Variants in CAMSAP2 observed in about 807,000 individuals in gnomAD.
The protein encoded by CAMSAP2 is calmodulin-regulated spectrin-associated protein 2.
In CAMSAP2, 26 loss-of-function variants were observed where a neutral mutation model predicts 146.1. That is an observed-to-expected ratio of 0.18 (90% CI 0.13 to 0.25). The LOEUF is 0.25. Ranked by LOEUF, CAMSAP2 falls within the 10% of genes least tolerant of loss-of-function variation. CAMSAP2 has a pLI of 1.00. For missense variants in CAMSAP2, 1,381 were observed against 1,759.3 expected, an observed-to-expected ratio of 0.78 and a Z score of 3.85; for synonymous variants, 499 against 596.6, an observed-to-expected ratio of 0.84 and a Z score of 2.38.
chr1:200,821,561 A>T (rs1212217312), intron 4 of CAMSAP2, among the ~76,000 whole-genome samples: 2 of 152,070 alleles, frequency 1.3e-5, no homozygotes, highest in Non-Finnish European at 2.9e-5. Context: ...GGGTTTCGCC[A>T]TGTTGGCCAG....
chr1:200,819,844 T>G (rs1361385307), intron 4 of CAMSAP2, among the ~76,000 whole-genome samples: 1 of 152,108 alleles, frequency 6.6e-6, no homozygotes, highest in African/African-American at 2.4e-5. Context: ...AGGAGTACCT[T>G]CTAGAGGATG....
intron 1 of CAMSAP2, among the ~76,000 whole-genome samples, chr1:200,748,085 A>G (rs1182750883): frequency 6.6e-6 from 1 of 151,872 alleles, no homozygotes; most frequent in Non-Finnish European, 1.5e-5. Context: ...TGAAAGTTCT[A>G]CACTCTTCTC....
intron 1 of CAMSAP2, among the ~76,000 whole-genome samples, chr1:200,747,665 C>G (rs1028585636): frequency 2.7e-5 from 4 of 150,246 alleles, no homozygotes; most frequent in African/African-American, 9.7e-5. Context: ...TTTAGCTGTG[C>G]CCTTGTTGAT....
intron 1 of CAMSAP2, among the ~76,000 whole-genome samples, chr1:200,744,658 G>A (rs187207180): frequency 5.3e-4 from 81 of 152,308 alleles, no homozygotes; most frequent in Non-Finnish European, 8.2e-4. Flanking sequence ...GTTAGGATGC[G>A]GTGGGGTGGC....
Position 200,832,620 on chromosome 1 carries a change from G to A in CAMSAP2, c.788-86G>A. 10 of 1,130,750 alleles carry A rather than the reference G, an allele frequency of 8.8e-6. No individual in the cohort carries two copies. The highest frequency in any genetic ancestry group is 1.1e-5 in the Non-Finnish European group (9 of 810,166). 70.0% of individuals were successfully genotyped at this position (1,130,750 alleles called of 1,614,324 possible). A position where few individuals can be genotyped will look rare whatever the true frequency, so the allele number is the denominator to read the frequency against. ...ATGTATGTTTGTTAACCAGAATTGTGTATTTGTACTAATTACAAGATGGAT... is the reference window on the plus strand; with the variant it reads ...ATGTATGTTTGTTAACCAGAATTGTATATTTGTACTAATTACAAGATGGAT... On this transcript the variant is annotated intron_variant, in intron 5 of 16. Transcript: ENST00000358823. This position sits in a 1 kb window ranked among gnomAD's most constrained non-coding sequence, Gnocchi z 4.2.
intron 2 of CAMSAP2, among the ~76,000 whole-genome samples, chr1:200,791,504 A>C (rs1413801057): frequency 6.6e-6 from 1 of 152,106 alleles, no homozygotes; most frequent in East Asian, 1.9e-4. Flanking sequence ...CTATTGTCCC[A>C]CACACAGGTC....
intron 2 of CAMSAP2, among the ~76,000 whole-genome samples, chr1:200,798,267 A>G (rs1665940539): frequency 7.1e-6 from 1 of 140,460 alleles, no homozygotes; most frequent in Non-Finnish European, 1.5e-5. Context: ...CAGTATGGCC[A>G]TTTTCACGAT....
intron 1 of CAMSAP2, among the ~76,000 whole-genome samples, chr1:200,742,384 A>G (rs1255990747): frequency 6.6e-6 from 1 of 152,248 alleles, no homozygotes; most frequent in African/African-American, 2.4e-5. Flanking sequence ...TTCAAATGGG[A>G]TGAAAAACAA....
At chr1:200,802,093 G>T (rs1666050009) in intron 2 of CAMSAP2, among the ~76,000 whole-genome samples, 1 of 152,200 alleles carries the variant, frequency 6.6e-6, no homozygotes, top group Non-Finnish European at 1.5e-5. Context: ...AACCAAGATA[G>T]TTCTATATAA....
intron 2 of CAMSAP2, among the ~76,000 whole-genome samples, chr1:200,762,337 T>C (rs1199594309): frequency 6.6e-6 from 1 of 152,216 alleles, no homozygotes; most frequent in Non-Finnish European, 1.5e-5. Flanking sequence ...TTATCCAGTA[T>C]GAGATTGTCA....
At chr1:200,741,698 G>A (rs990234502) in intron 1 of CAMSAP2, among the ~76,000 whole-genome samples, 2 of 152,200 alleles carry the variant, frequency 1.3e-5, no homozygotes, top group African/African-American at 4.8e-5. Flanking sequence ...TTCTGGGTAT[G>A]TGTCAGGCAG....
At chr1:200,750,310 T>G (rs1664462840) in intron 1 of CAMSAP2, among the ~76,000 whole-genome samples, 1 of 152,148 alleles carries the variant, frequency 6.6e-6, no homozygotes, top group Non-Finnish European at 1.5e-5. Flanking sequence ...TAACGATGAC[T>G]CCTAGGTTTC....
intron 1 of CAMSAP2, among the ~76,000 whole-genome samples, chr1:200,755,085 A>T (rs1664612463): frequency 6.6e-6 from 1 of 152,190 alleles, no homozygotes; most frequent in African/African-American, 2.4e-5. Flanking sequence ...TTTCTGGCAC[A>T]TACCACAACA....
intron 2 of CAMSAP2, among the ~76,000 whole-genome samples, chr1:200,796,945 G>A (rs1312385128): frequency 6.6e-6 from 1 of 151,918 alleles, no homozygotes; most frequent in African/African-American, 2.4e-5. Flanking sequence ...TCTTGTGATA[G>A]TTTACTGAGA....
intron 6 of CAMSAP2, among the ~76,000 whole-genome samples, chr1:200,841,259 T>C (rs1667315739): frequency 6.6e-6 from 1 of 152,240 alleles, no homozygotes; most frequent in Non-Finnish European, 1.5e-5. Flanking sequence ...ATAACTTTTT[T>C]TGTTTAAGAC....
At chr1:200,786,551 T>A (rs1332294621) in intron 2 of CAMSAP2, among the ~76,000 whole-genome samples, 1 of 151,456 alleles carries the variant, frequency 6.6e-6, no homozygotes, top group African/African-American at 2.4e-5. Context: ...GCCCAGCTAA[T>A]GTTTGTATTT....
At chr1:200,821,781 TAGTTA>T (rs1666773333) in intron 4 of CAMSAP2, among the ~76,000 whole-genome samples, 1 of 152,208 alleles carries the variant, frequency 6.6e-6, no homozygotes, top group African/African-American at 2.4e-5. Context: ...TCATTTATTA[TAGTTA>T]AGAGAACTTG....
intron 1 of CAMSAP2, among the ~76,000 whole-genome samples, chr1:200,752,545 A>G (rs1664535531): frequency 6.6e-6 from 1 of 151,896 alleles, no homozygotes; most frequent in Non-Finnish European, 1.5e-5. Flanking sequence ...AGATTTGCCA[A>G]TTATGTTGAT....
chr1:200,823,677 C>A (rs1407657973), intron 4 of CAMSAP2, among the ~76,000 whole-genome samples: 1 of 152,102 alleles, frequency 6.6e-6, no homozygotes, highest in Admixed American at 6.6e-5. Flanking sequence ...TAACCATGAT[C>A]CCTTGGTTAA....
Sources: allele counts gnomAD v4.1 joint callset (sites outside exome capture counted in the v4.1 genomes callset), GRCh38; gene constraint gnomAD v4.1.1; non-coding constraint Gnocchi (gnomAD v3.1); transcripts MANE v1.5; gene names NCBI Gene and HGNC (gene_info 2026-07-23, HGNC 2026-07-21).